STPG2: variants seen among roughly 807,000 people sequenced by gnomAD.
The protein encoded by STPG2 is sperm-tail PG-rich repeat-containing protein 2.
STPG2 carries 56 observed loss-of-function variants against 54.2 expected under a neutral mutation model. The ratio of observed to expected loss-of-function variants is 1.03; its 90% confidence interval spans 0.83 to 1.29. The LOEUF (loss-of-function observed/expected upper bound fraction) is 1.29. STPG2 is among the 50% of genes most tolerant of loss of function. The probability of loss-of-function intolerance (pLI) is 0.00; values close to 1 mark genes in which losing one functional copy is unlikely to be tolerated. For missense variants in STPG2, 596 were observed against 544.9 expected, an observed-to-expected ratio of 1.09 and a Z score of -0.93; for synonymous variants, 200 against 181.8, an observed-to-expected ratio of 1.10 and a Z score of -0.81.
intron 10 of STPG2, among the ~76,000 whole-genome samples, chr4:97,623,029 T>C (rs563806291): frequency 6.6e-6 from 1 of 152,168 alleles, no homozygotes; most frequent in Non-Finnish European, 1.5e-5. Flanking sequence ...AAGGACTCCG[T>C]ATTCAACAAA....
At chr4:98,069,110 G>A (rs1045277752) in intron 5 of STPG2, among the ~76,000 whole-genome samples, 1 of 151,884 alleles carries the variant, frequency 6.6e-6, no homozygotes, top group Non-Finnish European at 1.5e-5. Flanking sequence ...ATAAAGATAT[G>A]AGTATGTTTG....
intron 5 of STPG2, among the ~76,000 whole-genome samples, chr4:98,048,330 A>G (rs938100405): frequency 6.6e-6 from 1 of 152,260 alleles, no homozygotes; most frequent in Admixed American, 6.5e-5. Flanking sequence ...ATTAGAGTTC[A>G]TATAATTAGA....
chr4:97,769,269 C>T (rs893221793), intron 9 of STPG2, among the ~76,000 whole-genome samples: 2 of 152,030 alleles, frequency 1.3e-5, no homozygotes, highest in Non-Finnish European at 2.9e-5. Context: ...TCAGGTTAAC[C>T]TAGTACAGAA....
rs548698609 is a variant in STPG2, at chr4:97,645,507, A to G, written c.1320+67192T>C. 3.3e-5 allele frequency among the ~76,000 whole-genome samples: 5 copies of G among 152,280 alleles called. No homozygotes were observed. In the East Asian group the frequency reaches 5.8e-4, roughly 18 times the overall value. ...TACTGTATCCAGAATCTTAGACTTC[A>G]CTAGCTGCCTTTTAACCTTTGCCAT... On this transcript the variant is annotated intron_variant, in intron 10 of 10. Transcript: ENST00000295268.
chr4:97,696,404 C>T (rs1001967536), intron 10 of STPG2, among the ~76,000 whole-genome samples: 2 of 152,158 alleles, frequency 1.3e-5, no homozygotes, highest in African/African-American at 4.8e-5. Flanking sequence ...AATCTGAGAC[C>T]TGAAACCATA....
At chr4:97,850,806 T>C (rs903844670) in intron 8 of STPG2, among the ~76,000 whole-genome samples, 1 of 152,122 alleles carries the variant, frequency 6.6e-6, no homozygotes, top group African/African-American at 2.4e-5. Flanking sequence ...AGTAGTTGCT[T>C]TACTTGGGCA....
At chr4:97,875,925 G>GA in intron 8 of STPG2, among the ~76,000 whole-genome samples, 1 of 151,822 alleles carries the variant, frequency 6.6e-6, no homozygotes, top group Non-Finnish European at 1.5e-5. Context: ...AGTTACCACT[G>GA]AAAAAAATAT....
intron 10 of STPG2, among the ~76,000 whole-genome samples, chr4:97,691,416 T>C (rs1360079121): frequency 6.6e-6 from 1 of 152,092 alleles, no homozygotes; most frequent in Non-Finnish European, 1.5e-5. Context: ...TTCCCCCACT[T>C]CCTTGGTGAC....
intron 10 of STPG2, chr4:97,633,688 A>C (rs7435127): frequency 0.45 from 67,800 of 152,238 alleles, 16,592 homozygotes; most frequent in South Asian, 0.62. Context: ...CGGGAAGCGC[A>C]AGGGGTCAGG....
At chr4:97,932,017 G>A (rs920935576) in intron 8 of STPG2, among the ~76,000 whole-genome samples, 1 of 152,002 alleles carries the variant, frequency 6.6e-6, no homozygotes, top group Non-Finnish European at 1.5e-5. Flanking sequence ...TCTAGGTTTT[G>A]TACTTTGTGT....
At chr4:98,119,232 T>C (rs549034733) in intron 3 of STPG2, among the ~76,000 whole-genome samples, 1 of 152,248 alleles carries the variant, frequency 6.6e-6, no homozygotes, top group South Asian at 2.1e-4. Context: ...ATGAGATAAA[T>C]ACCTTGTTAC....
At chr4:97,720,809 G>T (rs764620090) in intron 9 of STPG2, among the ~76,000 whole-genome samples, 5 of 151,922 alleles carry the variant, frequency 3.3e-5, no homozygotes, top group Non-Finnish European at 7.4e-5. Context: ...ACTGCTAGTT[G>T]TCAAGGCTGC....
At chr4:97,593,846 G>A (rs1443622946) in intron 10 of STPG2, among the ~76,000 whole-genome samples, 1 of 151,482 alleles carries the variant, frequency 6.6e-6, no homozygotes, top group East Asian at 1.9e-4. Flanking sequence ...AAAACCAGGG[G>A]CTAGGTAACC....
chr4:97,971,554 G>A (rs961636664), intron 7 of STPG2, among the ~76,000 whole-genome samples: 1 of 151,992 alleles, frequency 6.6e-6, no homozygotes, highest in African/African-American at 2.4e-5. Flanking sequence ...AAGGAAAGAC[G>A]ACCACACACC....
intron 4 of STPG2, among the ~76,000 whole-genome samples, chr4:97,468,343 CA>C (rs1385910484): frequency 6.6e-6 from 1 of 151,800 alleles, no homozygotes; most frequent in Non-Finnish European, 1.5e-5. Context: ...TTTAATTAAT[CA>C]AAAATAAGCA....
chr4:97,920,416 A>G (rs1243236837), intron 8 of STPG2, among the ~76,000 whole-genome samples: 1 of 152,206 alleles, frequency 6.6e-6, no homozygotes, highest in Non-Finnish European at 1.5e-5. Flanking sequence ...CTAGTATTTT[A>G]TGCTACTCGT....
At chr4:97,595,821 C>T (rs188011091) in intron 10 of STPG2, among the ~76,000 whole-genome samples, 89 of 152,124 alleles carry the variant, frequency 5.9e-4, no homozygotes, top group African/African-American at 2.0e-3. Flanking sequence ...AACACACTTA[C>T]GTACATAGAC....
chr4:97,519,914 C>G lies in STPG2; in HGVS notation c.462+192785G>C, dbSNP rs1361203515. 3.3e-5 allele frequency among the ~76,000 whole-genome samples: 5 copies of G among 152,134 alleles called. 1 individual carries two copies. In the South Asian group the frequency reaches 8.3e-4, roughly 25 times the overall value. Reference sequence around the variant, plus strand: ...GGATCAGGCTCTTGAGTCGAAATGTCCATTTCAATTCCCAGTTTTATCTTA... The same window carrying G: ...GGATCAGGCTCTTGAGTCGAAATGTGCATTTCAATTCCCAGTTTTATCTTA... On this transcript the variant is annotated intron_variant, in intron 4 of 4. Transcript: ENST00000522676.
intron 4 of STPG2, among the ~76,000 whole-genome samples, chr4:97,536,456 C>A (rs143523865): frequency 6.6e-6 from 1 of 152,176 alleles, no homozygotes; most frequent in African/African-American, 2.4e-5. Context: ...GAAGAAGGTA[C>A]TTGCTTCTCC....
Sources: gnomAD v4.1 joint callset for allele counts (sites outside exome capture counted in the v4.1 genomes callset) on GRCh38, gnomAD v4.1.1 for gene constraint, MANE v1.5 for transcripts, NCBI Gene and HGNC (gene_info 2026-07-23, HGNC 2026-07-21) for gene names.